SQSTM1: variants seen among roughly 807,000 people sequenced by gnomAD.
SQSTM1 encodes sequestosome-1.
A neutral mutation model predicts 45.1 loss-of-function variants in SQSTM1; 36 were observed. The ratio of observed to expected loss-of-function variants is 0.80; its 90% CI spans 0.61 to 1.05. The LOEUF is 1.05. SQSTM1 is among the 50% of genes least tolerant of loss of function. The pLI is 0.00. For missense variants in SQSTM1, 617 were observed against 607.1 expected (o/e 1.02, Z -0.17); for synonymous variants, 290 against 244.3 (o/e 1.19, Z -1.74).
At chr5:179,827,854 G>T (rs1280305306) in intron 5 of SQSTM1, among the ~76,000 whole-genome samples, 1 of 152,178 alleles carries the variant, frequency 6.6e-6, no homozygotes, top group Non-Finnish European at 1.5e-5. Flanking sequence ...AAAGGGGAAC[G>T]AACGAGTCAA....
In SQSTM1 at chr5:179,837,894, G is replaced by C. The variant is rs1380306253; in HGVS notation, c.*1301G>C. 1 of 1,599,600 alleles carries C rather than the reference G, an allele frequency of 6.3e-7. No homozygotes were observed. Among genetic ancestry groups the C allele is most frequent in the Admixed American group, 1.7e-5 (1 of 59,908 alleles). ...GTCAGGCCAGCCTGTCCCTGAAAGA[G>C]AAGATGGCCATGCCCTCCATGTGTA... On this transcript the variant is annotated 3_prime_UTR_variant, in exon 8 of 8. Transcript: ENST00000389805.
rs1483449583 is a variant in SQSTM1 at position 179,823,945 on chromosome 5, G to T, written c.389G>T (p.Gly130Val). 2.5e-6 allele frequency: 4 copies of T among 1,613,884 alleles called. No individual in the cohort carries two copies. In the African/African-American group the frequency reaches 4.0e-5, roughly 16 times the overall value. Residue 130 changes from glycine (G) to valine (V), a missense_variant, in exon 3 of 8, where the codon GGC (glycine) becomes GTC (valine). Transcript: ENST00000389805. Reference sequence around the variant, plus strand: ...GTGCACCCCAATGTGATCTGCGATGGCTGCAATGGGCCTGTGGTAGGAACC... The same window carrying T: ...GTGCACCCCAATGTGATCTGCGATGTCTGCAATGGGCCTGTGGTAGGAACC... ...NMVHPNVICD[G>V]CNGPVVGTRY...
In SQSTM1 at chr5:179,837,472, C is replaced by T. The variant is rs1758641557; in HGVS notation, c.*879C>T. Reference sequence around the variant, plus strand: ...GTCGAGGATTCTGTGCCTCCAGGACCAGGGGCCCACCCTCTGCCCAGGGAG... The same window carrying T: ...GTCGAGGATTCTGTGCCTCCAGGACTAGGGGCCCACCCTCTGCCCAGGGAG... On this transcript the variant is annotated 3_prime_UTR_variant, in exon 8 of 8. Coordinates refer to ENST00000389805, the MANE Select transcript of SQSTM1 (RefSeq NM_003900.5). The T allele has an allele frequency of 1.9e-6, 3 of 1,613,420 alleles. No individual in the cohort carries two copies. The highest frequency in any genetic ancestry group is 2.5e-6 in the Non-Finnish European group (3 of 1,179,708).
At chr5:179,835,811 CTCCG>C (rs979175988) in intron 7 of SQSTM1, 1 of 164,368 alleles carries the variant, frequency 6.1e-6, no homozygotes, top group African/African-American at 2.4e-5. Context: ...TGGCCTCCAG[CTCCG>C]TCCAAGTTGC....
rs1041517658 is a variant in SQSTM1, at chr5:179,837,598, G to A, written c.*1005G>A. 1 of 1,614,160 alleles carries A rather than the reference G, an allele frequency of 6.2e-7. No individual in the cohort carries two copies. Among genetic ancestry groups the A allele is most frequent in the East Asian group, 2.2e-5 (1 of 44,894 alleles). ...GGACAGCGGCAGTGGGCCTGCTGAG[G>A]CCTTCTCTTGAGGCCTGTGCTCTGG... On this transcript the variant is annotated 3_prime_UTR_variant, in exon 8 of 8. Coordinates refer to ENST00000389805, the MANE Select transcript of SQSTM1 (RefSeq NM_003900.5).
chr5:179,837,769 G>T lies in SQSTM1; in HGVS notation c.*1176G>T. 6.2e-7 allele frequency: 1 copy of T among 1,614,214 alleles called. No homozygotes were observed. Among genetic ancestry groups the T allele is most frequent in the South Asian group, 1.1e-5 (1 of 91,092 alleles). On this transcript the variant is annotated 3_prime_UTR_variant, in exon 8 of 8. Coordinates refer to ENST00000389805, the MANE Select transcript of SQSTM1 (RefSeq NM_003900.5). ...AGGATGTGGCTGTAACCTGCTGGAT[G>T]GGACTCCATAGCTCCTTCCCAGGAC...
intron 5 of SQSTM1, among the ~76,000 whole-genome samples, chr5:179,829,638 T>G (rs1208116311): frequency 1.1e-4 from 17 of 152,178 alleles, no homozygotes. Context: ...AGGCTTAGAT[T>G]CTACTATTGT....
rs1046053143 is a variant in SQSTM1, at chr5:179,834,265, A to G, written c.1165+483A>G. Among the ~76,000 whole-genome samples, 162 of 146,808 alleles carry G rather than the reference A, an allele frequency of 1.1e-3. 1 individual carries two copies. The highest frequency in any genetic ancestry group is 4.0e-3 in the African/African-American group (155 of 38,342). On this transcript the variant is annotated intron_variant, in intron 7 of 7. Transcript: ENST00000389805. ...GGGGTGGGGGGTGGGGACAGCTGAC[A>G]GAAACTCCTCATTGTCACATGGCAG...
chr5:179,827,877 G>A (rs773329626), intron 5 of SQSTM1, among the ~76,000 whole-genome samples: 4 of 152,184 alleles, frequency 2.6e-5, no homozygotes, highest in East Asian at 1.9e-4. Context: ...GCTGCCTCCC[G>A]GTGGCAGTGT....
chr5:179,830,041 A>G (rs1758147308), intron 5 of SQSTM1, among the ~76,000 whole-genome samples: 1 of 152,240 alleles, frequency 6.6e-6, no homozygotes, highest in African/African-American at 2.4e-5. Context: ...CCTGGAAGGC[A>G]GAGGGTGCAA....
At chr5:179,824,468 T>A in intron 4 of SQSTM1, 145 bp downstream of exon 4, 2 of 1,248,230 alleles carry the variant, frequency 1.6e-6, no homozygotes, top group Non-Finnish European at 2.3e-6. Context: ...ACAAGAACCC[T>A]GCAAAGTGGG....
upstream of SQSTM1, chr5:179,820,902 G>A (rs189132632): frequency 2.0e-6 from 3 of 1,473,192 alleles, no homozygotes; most frequent in Admixed American, 2.2e-5. Context: ...GGCTGCGACC[G>A]GGACGGCCCG....
At chr5:179,813,658 CAG>C (rs1246398136) in intron 2 of SQSTM1, 3 of 152,100 alleles carry the variant, frequency 2.0e-5, no homozygotes, top group Non-Finnish European at 4.4e-5. Flanking sequence ...CCTAGCTGCT[CAG>C]GGGGTGAGGC....
chr5:179,825,314 T>C (rs901992211), intron 5 of SQSTM1, 88 bp downstream of exon 5: 1 of 1,154,128 alleles, frequency 8.7e-7, no homozygotes, highest in Non-Finnish European at 1.3e-6. Flanking sequence ...GAATGGGTAA[T>C]TGACATGCCC....
rs199854262 is a variant in SQSTM1 at position 179,836,586 on chromosome 5, C to T, written c.1316C>T (p.Pro439Leu). 1.3e-4 allele frequency: 215 copies of T among 1,614,072 alleles called. 1 individual carries two copies. In the East Asian group the frequency reaches 1.7e-3, roughly 13 times the overall value. Residue 439 changes from proline (P) to leucine (L), a missense_variant, in exon 8 of 8, where the codon CCG (proline) becomes CTG (leucine). Transcript: ENST00000389805. ...ATCCAGTATTCAAAGCATCCCCCGC[C>T]GTTGTGACCACTTTTGCCCACCTCT... is the stretch of plus-strand genomic sequence containing the variant. ...DTIQYSKHPP[P>L]L
intron 1 of SQSTM1, among the ~76,000 whole-genome samples, chr5:179,810,816 T>C (rs1241584798): frequency 1.3e-5 from 2 of 152,170 alleles, no homozygotes; most frequent in Non-Finnish European, 2.9e-5. Context: ...TTCTAACTGG[T>C]GTGAGATGCT....
chr5:179,823,445 CAAAAAAAAAAAAAAAA>C (rs59899831), intron 2 of SQSTM1: 227 of 55,824 alleles, frequency 4.1e-3, no homozygotes, highest in South Asian at 0.013. Flanking sequence ...GCCTAGGCGA[CAAAAAAAAAAAAAAAA>C]AAAAAAAAAA....
At position 179,823,854 on chromosome 5, in the gene SQSTM1, G is replaced by A. The variant is rs1757883398; in HGVS notation, c.302-4G>A. The A allele has an allele frequency of 1.2e-6, 2 of 1,611,062 alleles. No homozygotes were observed. The highest frequency in any genetic ancestry group is 1.7e-6 in the Non-Finnish European group (2 of 1,179,894). Reference sequence around the variant, plus strand: ...CCTAGCGGCTCTCTTTACCCTTCCTGTAGAGAAAAAAGAGTGCCGGCGGGA... The same window carrying A: ...CCTAGCGGCTCTCTTTACCCTTCCTATAGAGAAAAAAGAGTGCCGGCGGGA... On this transcript the variant is annotated splice_polypyrimidine_tract_variant and splice_region_variant and intron_variant, in intron 2 of 7. Coordinates refer to ENST00000389805, the MANE Select transcript of SQSTM1 (RefSeq NM_003900.5).
At chr5:179,822,635 G>C in intron 1 of SQSTM1, 1 of 382,962 alleles carries the variant, frequency 2.6e-6, no homozygotes, top group Middle Eastern at 8.8e-4. Context: ...TGGTCGGATG[G>C]GGAATGAGGT....
Sources: allele counts gnomAD v4.1 joint callset (sites outside exome capture counted in the v4.1 genomes callset), GRCh38; gene constraint gnomAD v4.1.1; transcripts MANE v1.5; gene names NCBI Gene and HGNC (gene_info 2026-07-23, HGNC 2026-07-21).